Variants in PUM1 observed in about 807,000 individuals in gnomAD.
PUM1 encodes the protein pumilio homolog 1.
PUM1 carries 13 observed loss-of-function variants against 131.8 expected under a neutral mutation model. That is an observed-to-expected ratio of 0.10 (90% CI 0.06 to 0.16). PUM1 has a LOEUF of 0.16. Among genes scored for constraint, PUM1 ranks in the 10% least tolerant of loss-of-function variants. PUM1 has a pLI of 1.00. For missense variants in PUM1, 961 were observed against 1,512.4 expected, an observed-to-expected ratio of 0.64 and a Z score of 6.05; for synonymous variants, 509 against 556.5, an observed-to-expected ratio of 0.91 and a Z score of 1.20.
intron 7 of PUM1, among the ~76,000 whole-genome samples, chr1:30,991,911 T>C (rs1196708805): frequency 6.6e-6 from 1 of 152,204 alleles, no homozygotes; most frequent in Non-Finnish European, 1.5e-5. Context: ...TCTAATACTT[T>C]TGAAAGATGC....
rs776422195 is a variant in PUM1, at chr1:30,964,790, C to G, written c.2207G>C (p.Ser736Thr). ...CACGGGTCCAGGAGAGGAGGAAAAG[C>G]TAAGGCCGTTATAAAAACTGTGTCC... is the stretch of plus-strand genomic sequence containing the variant. ...PIGHSFYNGL[S>T]FSSSPGPVGM... The change falls in exon 14 of 22, where the codon AGC becomes ACC. Residue 736 changes from serine to threonine, a missense_variant. Transcript: ENST00000426105. 6.2e-7 allele frequency: 1 copy of G among 1,614,102 alleles called. No individual in the cohort carries two copies. The highest frequency in any genetic ancestry group is 1.1e-5 in the South Asian group (1 of 91,080).
intron 2 of PUM1, among the ~76,000 whole-genome samples, chr1:31,057,497 G>A (rs1490613222): frequency 6.6e-6 from 1 of 151,386 alleles, no homozygotes; most frequent in African/African-American, 2.4e-5. Context: ...GGCTGAGGCA[G>A]GTGGATCACA....
At chr1:30,974,980 C>T in intron 9 of PUM1, 178 bp from the exon 10 acceptor site, 1 of 448,842 alleles carries the variant, frequency 2.2e-6, no homozygotes, top group Non-Finnish European at 3.9e-6. Flanking sequence ...TATATGAGAT[C>T]CTTACACCAG....
At chr1:31,061,839 G>A (rs1324098392) in intron 1 of PUM1, 1 of 152,166 alleles carries the variant, frequency 6.6e-6, no homozygotes, top group Non-Finnish European at 1.5e-5. Context: ...TATAGTCCCA[G>A]CTACTAGGGA....
At chr1:31,054,384 G>C (rs1201476210) in intron 2 of PUM1, among the ~76,000 whole-genome samples, 1 of 152,006 alleles carries the variant, frequency 6.6e-6, no homozygotes, top group African/African-American at 2.4e-5. Context: ...GTAATTACGA[G>C]AGAAATAAAG....
chr1:31,031,363 T>C (rs915615042), intron 2 of PUM1, among the ~76,000 whole-genome samples: 1 of 152,158 alleles, frequency 6.6e-6, no homozygotes, highest in African/African-American at 2.4e-5. Context: ...CCAAGGAAAC[T>C]AAGTAGGAGG....
chr1:31,011,713 C>A (rs1449791716), intron 3 of PUM1, among the ~76,000 whole-genome samples: 1 of 152,128 alleles, frequency 6.6e-6, no homozygotes, highest in Non-Finnish European at 1.5e-5. Context: ...CACACAATAA[C>A]CAAAAATGTA....
intron 3 of PUM1, among the ~76,000 whole-genome samples, chr1:31,026,249 C>G (rs1384969770): frequency 7.4e-5 from 11 of 149,138 alleles, no homozygotes; most frequent in Non-Finnish European, 1.6e-4. Context: ...GAGTGAGACT[C>G]AGTCTCTTAA....
At chr1:31,061,121 G>C (rs1644358192) in intron 1 of PUM1, among the ~76,000 whole-genome samples, 1 of 151,974 alleles carries the variant, frequency 6.6e-6, no homozygotes, top group South Asian at 2.1e-4. Flanking sequence ...ACTATAAACA[G>C]GATGAGACCA....
chr1:30,950,381 T>C, intron 16 of PUM1, 120 bp from the exon 17 acceptor site: 1 of 1,001,550 alleles, frequency 1.0e-6, no homozygotes, highest in Non-Finnish European at 1.4e-6. Context: ...CTGATACCCA[T>C]GATTAACTAA....
intron 5 of PUM1, among the ~76,000 whole-genome samples, chr1:30,999,814 T>A (rs1435322222): frequency 6.6e-6 from 1 of 152,082 alleles, no homozygotes; most frequent in African/African-American, 2.4e-5. Context: ...TACACAAATG[T>A]AATATAATAG....
intron 5 of PUM1, among the ~76,000 whole-genome samples, chr1:31,002,694 T>C (rs1642260912): frequency 6.6e-6 from 1 of 152,214 alleles, no homozygotes; most frequent in African/African-American, 2.4e-5. Flanking sequence ...AAAGACTTGA[T>C]TGATATTTTT....
chr1:30,995,461 G>A (rs1323193555), intron 5 of PUM1, among the ~76,000 whole-genome samples: 3 of 151,372 alleles, frequency 2.0e-5, no homozygotes, highest in Non-Finnish European at 2.9e-5. Context: ...TATATCCAAT[G>A]TCCCACCAAC....
chr1:30,937,413 G>C (rs1639256230), intron 20 of PUM1, among the ~76,000 whole-genome samples: 1 of 152,122 alleles, frequency 6.6e-6, no homozygotes, highest in South Asian at 2.1e-4. Flanking sequence ...GGTTGAGGCA[G>C]GAGAATTGCT....
intron 10 of PUM1, chr1:30,973,054 TG>T: frequency 4.8e-6 from 1 of 209,426 alleles, no homozygotes; most frequent in Non-Finnish European, 9.9e-6. Context: ...CACTCCAGCC[TG>T]GGCAACAAAA....
At chr1:31,047,837 G>T (rs1448565393) in intron 2 of PUM1, among the ~76,000 whole-genome samples, 3 of 152,220 alleles carry the variant, frequency 2.0e-5, no homozygotes, top group Non-Finnish European at 4.4e-5. Flanking sequence ...AGCTACTGGG[G>T]AGGCTGAGGC....
At chr1:30,969,849 G>A (rs1055349026) in intron 10 of PUM1, among the ~76,000 whole-genome samples, 1 of 152,082 alleles carries the variant, frequency 6.6e-6, no homozygotes, top group Admixed American at 6.5e-5. Context: ...TTTTTGTAGA[G>A]ACAGGGTCTC....
chr1:31,041,421 C>T (rs1052069225), intron 2 of PUM1, among the ~76,000 whole-genome samples: 8 of 140,092 alleles, frequency 5.7e-5, no homozygotes, highest in Non-Finnish European at 1.2e-4. Flanking sequence ...CTCTGGGGGG[C>T]GGGGGGTGTG....
At chr1:31,029,728 T>G (rs1219246682) in intron 2 of PUM1, among the ~76,000 whole-genome samples, 4 of 152,120 alleles carry the variant, frequency 2.6e-5, no homozygotes, top group African/African-American at 9.7e-5. Flanking sequence ...GCTCCCAGCC[T>G]GGGGAACATG....
Sources: allele counts gnomAD v4.1 joint callset (sites outside exome capture counted in the v4.1 genomes callset), GRCh38; gene constraint gnomAD v4.1.1; transcripts MANE v1.5; gene names NCBI Gene and HGNC (gene_info 2026-07-23, HGNC 2026-07-21).